The following NABP2 variants were observed in gnomAD, a reference collection of about 807,000 sequenced individuals.
The protein encoded by NABP2 is SOSS complex subunit B1.
In NABP2, 7 loss-of-function variants were observed where a neutral mutation model predicts 22.7. The ratio of observed to expected loss-of-function variants is 0.31; its 90% CI spans 0.18 to 0.58. NABP2 has a LOEUF of 0.58. Ranked by LOEUF, NABP2 falls within the 20% of genes least tolerant of loss-of-function variation. NABP2 has a pLI of 0.89. For synonymous variants in NABP2, 107 were observed against 99.2 expected (o/e 1.08, Z -0.47); for missense variants, 188 against 265.9 (o/e 0.71, Z 2.04).
chr12:56,228,973 A>T (rs1168364536), intron 6 of NABP2, 41 bp from the exon 7 acceptor site: 1 of 1,564,608 alleles, frequency 6.4e-7, no homozygotes, highest in African/African-American at 1.4e-5. Context: ...CCCCTCTCCT[A>T]TGTTAACTAA....
chr12:56,224,737 C>A (rs1284470777), intron 1 of NABP2, 97 bp from the exon 2 acceptor site: 5 of 1,144,252 alleles, frequency 4.4e-6, no homozygotes, highest in African/African-American at 3.0e-5. Context: ...GTTGAGGCTG[C>A]CTGACCCCAG....
At chr12:56,224,587 C>G (rs905994170) in intron 1 of NABP2, 146 bp downstream of exon 1, 1 of 1,230,106 alleles carries the variant, frequency 8.1e-7, no homozygotes, top group Non-Finnish European at 1.0e-6. Context: ...TCCGCCACTT[C>G]GCGGCTTGAG....
Position 56,229,087 on chromosome 12 carries a change from T to TTGCGCA in NABP2, c.510_511insTGCGCA (p.Thr170_Pro171insCysAla). On this transcript the variant is annotated inframe_insertion, in exon 7 of 7. Coordinates refer to ENST00000267023, the MANE Select transcript of NABP2 (RefSeq NM_024068.4). ...GTGGTGGCCCACATCCCCCTCATACTCCCTCCCACCCACCCAGCACCCGAA... is the reference window on the plus strand; with the variant it reads ...GTGGTGGCCCACATCCCCCTCATACTTGCGCACCCTCCCACCCACCCAGCACCCGAA... 1 of 1,512,340 alleles carries TTGCGCA rather than the reference T, an allele frequency of 6.6e-7. No individual in the cohort carries two copies. The highest frequency in any genetic ancestry group is 9.1e-7 in the Non-Finnish European group (1 of 1,102,008). 93.7% of individuals were successfully genotyped at this position (1,512,340 alleles called of 1,614,324 possible). A position where few individuals can be genotyped will look rare whatever the true frequency, so the allele number is the denominator to read the frequency against.
chr12:56,224,590 G>A, intron 1 of NABP2, 149 bp downstream of exon 1: 1 of 1,221,902 alleles, frequency 8.2e-7, no homozygotes, highest in Non-Finnish European at 1.0e-6. Context: ...GCCACTTCGC[G>A]GCTTGAGACT....
chr12:56,226,535 T>C (rs1045301877), intron 6 of NABP2, 116 bp downstream of exon 6: 15 of 721,250 alleles, frequency 2.1e-5, no homozygotes, highest in Non-Finnish European at 3.1e-5. Context: ...TGTATCCTCC[T>C]TCACCCAATT....
At chr12:56,225,101 G>C (rs1439410658) in intron 2 of NABP2, among the ~76,000 whole-genome samples, 166 bp downstream of exon 2, 1 of 151,982 alleles carries the variant, frequency 6.6e-6, no homozygotes, top group Non-Finnish European at 1.5e-5. Context: ...TCAGGTATAG[G>C]GTAGATAGAA....
intron 6 of NABP2, among the ~76,000 whole-genome samples, chr12:56,227,415 C>A (rs1422546688): frequency 2.6e-5 from 4 of 151,800 alleles, no homozygotes; most frequent in Non-Finnish European, 5.9e-5. Context: ...AACTTCCATG[C>A]CATTTAGGGT....
Position 56,229,059 on chromosome 12 carries a change from C to A in NABP2, c.482C>A (p.Pro161His). 6.2e-7 allele frequency: 1 copy of A among 1,613,168 alleles called. No individual in the cohort carries two copies. Among genetic ancestry groups the A allele is most frequent in the Non-Finnish European group, 8.5e-7 (1 of 1,179,660 alleles). Reference sequence around the variant, plus strand: ...AATGGACTGAGTGCCCCACCAGGTCCCGGTGGTGGCCCACATCCCCCTCAT... The same window carrying A: ...AATGGACTGAGTGCCCCACCAGGTCACGGTGGTGGCCCACATCCCCCTCAT... ...NGNGLSAPPG[P>H]GGGPHPPHTP... Residue 161 changes from proline to histidine, a missense_variant, in exon 7 of 7, where the codon CCC becomes CAC. Transcript: ENST00000267023.
chr12:56,229,157 C>G lies in NABP2; in HGVS notation c.580C>G (p.Pro194Ala), dbSNP rs1322632306. The change falls in exon 7 of 7, where the codon CCT becomes GCT. Residue 194 changes from proline to alanine, a missense_variant. Pro to Ala is a conservative substitution (Grantham distance 27). Coordinates refer to ENST00000267023, the MANE Select transcript of NABP2 (RefSeq NM_024068.4). ...PNHTPAGPPG[P>A]SSNPVSNGKE... ...CCACACACCTGCAGGCCCGCCTGGC[C>G]CTTCCAGCAACCCTGTTAGTAACGG... 2 of 1,607,286 alleles carry G rather than the reference C, an allele frequency of 1.2e-6. No homozygotes were observed. Among genetic ancestry groups the G allele is most frequent in the Non-Finnish European group, 1.7e-6 (2 of 1,177,114 alleles).
chr12:56,228,820 T>C (rs187597272), intron 6 of NABP2, among the ~76,000 whole-genome samples, 194 bp from the exon 7 acceptor site: 6 of 152,314 alleles, frequency 3.9e-5, no homozygotes, highest in African/African-American at 1.2e-4. Context: ...ACTTCCTAAA[T>C]GATCGTGTAA....
At chr12:56,225,826 AAC>A in intron 4 of NABP2, 131 bp downstream of exon 4, 3 of 1,040,010 alleles carry the variant, frequency 2.9e-6, no homozygotes, top group Non-Finnish European at 4.4e-6. Context: ...TGTTTTGAGA[AAC>A]AGTCTCTGTC....
At chr12:56,222,409 C>A (rs1592365004), upstream of NABP2, among the ~76,000 whole-genome samples, 1 of 152,130 alleles carries the variant, frequency 6.6e-6, no homozygotes, top group Admixed American at 6.5e-5. Flanking sequence ...GGAGTCTGAC[C>A]GCAAAGCTTA....
Position 56,226,350 on chromosome 12 carries a change from C to T in NABP2, c.373-6C>T. The stretch of plus-strand genomic sequence containing the variant: ...CAGGATCTGAATATGTAATCTGTGC[C>T]TTCAGGTGCAGAACGACAGCAACCC... On this transcript the variant is annotated splice_region_variant and splice_polypyrimidine_tract_variant and intron_variant, in intron 5 of 6. Coordinates refer to ENST00000267023, the MANE Select transcript of NABP2 (RefSeq NM_024068.4). The T allele has an allele frequency of 6.2e-7, 1 of 1,614,020 alleles. No homozygotes were observed. The highest frequency in any genetic ancestry group is 8.5e-7 in the Non-Finnish European group (1 of 1,180,002).
At chr12:56,228,645 C>T (rs1308955782) in intron 6 of NABP2, among the ~76,000 whole-genome samples, 1 of 152,132 alleles carries the variant, frequency 6.6e-6, no homozygotes, top group Non-Finnish European at 1.5e-5. Flanking sequence ...GTCAGCCTCC[C>T]ACCGTACTGA....
At chr12:56,225,558 A>G in intron 3 of NABP2, 47 bp downstream of exon 3, 1 of 1,614,172 alleles carries the variant, frequency 6.2e-7, no homozygotes, top group Non-Finnish European at 8.5e-7. Context: ...ACAACAATCA[A>G]GAGTGGGGTT....
At chr12:56,226,563 T>TTC (rs1218934721) in intron 6 of NABP2, 144 bp downstream of exon 6, 4 of 649,500 alleles carry the variant, frequency 6.2e-6, no homozygotes, top group African/African-American at 2.1e-5. Context: ...ACCCCTTTTT[T>TTC]TTTTTTTTTT....
intron 6 of NABP2, among the ~76,000 whole-genome samples, chr12:56,226,950 C>T (rs1869801660): frequency 6.6e-6 from 1 of 151,230 alleles, no homozygotes; most frequent in African/African-American, 2.4e-5. Context: ...TCTCGAACTC[C>T]TGAGCTCAGG....
rs1041073119 is a variant in NABP2 at position 56,225,619 on chromosome 12, C to T, written c.219-5C>T. On this transcript the variant is annotated splice_polypyrimidine_tract_variant and splice_region_variant and intron_variant, in intron 3 of 6. Transcript: ENST00000267023. ...ACTGAATTTTGCTTTTTTTGCCTCC[C>T]ATAGGTACGCTTCAGTTTTCAAAGG... 8 of 1,613,976 alleles carry T rather than the reference C, an allele frequency of 5.0e-6. No homozygotes were observed. In the Admixed American group the frequency reaches 1.2e-4, roughly 24 times the overall value.
rs762402037 is a variant in NABP2, at chr12:56,229,227, C to T, written c.*14C>T. ...AGCAAGAGATAGCATGACATTCTTT[C>T]TTCCTGCCACCAACCACATCCCAAG... On this transcript the variant is annotated 3_prime_UTR_variant, in exon 7 of 7. Coordinates refer to ENST00000267023, the MANE Select transcript of NABP2 (RefSeq NM_024068.4). 30 of 1,611,716 alleles carry T rather than the reference C, an allele frequency of 1.9e-5. No homozygotes were observed. The highest frequency in any genetic ancestry group is 4.4e-4 in the Middle Eastern group (2 of 4,540).
Sources: allele counts gnomAD v4.1 joint callset (sites outside exome capture counted in the v4.1 genomes callset), GRCh38; gene constraint gnomAD v4.1.1; transcripts MANE v1.5; gene names NCBI Gene and HGNC (gene_info 2026-07-23, HGNC 2026-07-21).